Variants in HTRA4 observed in about 807,000 individuals in gnomAD.
The protein encoded by HTRA4 is serine protease HTRA4.
Under a neutral mutation model 49.1 loss-of-function variants are expected in HTRA4, and 46 were observed. The observed-to-expected ratio is 0.94, with a 90% CI of 0.74 to 1.20. The LOEUF (loss-of-function observed/expected upper bound fraction) is 1.20. HTRA4 is among the 50% of genes most tolerant of loss of function. The pLI is 0.00. For missense variants in HTRA4, 602 were observed against 636.9 expected, an observed-to-expected ratio of 0.95 and a Z score of 0.59; for synonymous variants, 261 against 264.0, an observed-to-expected ratio of 0.99 and a Z score of 0.11.
At chr8:38,974,823 G>A in intron 1 of HTRA4, 94 bp downstream of exon 1, 1 of 1,268,380 alleles carries the variant, frequency 7.9e-7, no homozygotes, top group South Asian at 1.5e-5. Flanking sequence ...GTTCGCGCCT[G>A]GTCCTCCTGC....
At chr8:38,980,193 T>C (rs927434205) in intron 5 of HTRA4, among the ~76,000 whole-genome samples, 9 of 152,218 alleles carry the variant, frequency 5.9e-5, no homozygotes, top group African/African-American at 1.9e-4. Context: ...TCATCCTTTC[T>C]GAGTCCCTTT....
At chr8:38,980,316 T>G (rs1419066227) in intron 5 of HTRA4, among the ~76,000 whole-genome samples, 1 of 152,190 alleles carries the variant, frequency 6.6e-6, no homozygotes, top group Non-Finnish European at 1.5e-5. Context: ...CATTTTTCTT[T>G]GTTTTGTTCC....
chr8:38,976,467 C>T (rs1300171599), intron 2 of HTRA4, 68 bp from the exon 3 acceptor site: 8 of 1,424,458 alleles, frequency 5.6e-6, no homozygotes, highest in Non-Finnish European at 4.9e-6. Context: ...GTTCCCATGA[C>T]TCAGATTATA....
intron 6 of HTRA4, among the ~76,000 whole-genome samples, chr8:38,982,132 A>T (rs1731615979): frequency 6.6e-6 from 1 of 152,164 alleles, no homozygotes; most frequent in South Asian, 2.1e-4. Context: ...ACAGGCATGA[A>T]CCACCATGCC....
Position 38,988,155 on chromosome 8 carries a change from G to T in HTRA4, c.*57G>T. The T allele has an allele frequency of 1.4e-6, 2 of 1,429,564 alleles. No homozygotes were observed. The highest frequency in any genetic ancestry group is 1.9e-6 in the Non-Finnish European group (2 of 1,079,276). The allele number at this position is 1,429,564 out of a possible 1,614,324, so 88.6% of individuals were successfully genotyped here. A position where few individuals can be genotyped will look rare whatever the true frequency, so the allele number is the denominator to read the frequency against. On this transcript the variant is annotated 3_prime_UTR_variant, in exon 9 of 9. Coordinates refer to ENST00000302495, the MANE Select transcript of HTRA4 (RefSeq NM_153692.4). ...AAAAAAAAACCAGTTATATCACGTG[G>T]TTTGTATTGGAGATGTGCCAAACAT...
chr8:38,977,353 G>A (rs751680085), intron 3 of HTRA4, among the ~76,000 whole-genome samples: 1 of 150,682 alleles, frequency 6.6e-6, no homozygotes, highest in Non-Finnish European at 1.5e-5. Flanking sequence ...AAATTACTGC[G>A]ATGGACTCAA....
At chr8:38,975,853 G>A (rs1430005970) in intron 2 of HTRA4, among the ~76,000 whole-genome samples, 1 of 152,202 alleles carries the variant, frequency 6.6e-6, no homozygotes, top group Non-Finnish European at 1.5e-5. Context: ...AGAGCCCTTT[G>A]ATTCTCTCCT....
Position 38,975,101 on chromosome 8 carries a change from A to T in HTRA4, c.537A>T (p.Pro179=), listed in dbSNP as rs778758268. ...CCGCGGTGGTGGAGAAGGTGGCGCCATCGGTGGTTCACGTGCAGCTGTGGG... is the reference window on the plus strand; with the variant it reads ...CCGCGGTGGTGGAGAAGGTGGCGCCTTCGGTGGTTCACGTGCAGCTGTGGG... The part of the protein sequence containing the change: ...FIAAVVEKVA[P]SVVHVQLWGR... The change falls in exon 2 of 9, where the codon CCA becomes CCT. Residue 179 remains proline (P), a synonymous_variant. Transcript: ENST00000302495. The T allele has an allele frequency of 3.7e-6, 6 of 1,613,866 alleles. No individual in the cohort carries two copies. In the East Asian group the frequency reaches 1.3e-4, roughly 36 times the overall value.
chr8:38,976,882 CCCT>C, intron 3 of HTRA4, 143 bp downstream of exon 3: 1 of 781,996 alleles, frequency 1.3e-6, no homozygotes, highest in Non-Finnish European at 2.0e-6. Context: ...GTTCTTTACT[CCCT>C]CTTTTATTTA....
intron 1 of HTRA4, 143 bp downstream of exon 1, chr8:38,974,872 A>T: frequency 1.7e-6 from 2 of 1,196,026 alleles, no homozygotes; most frequent in Non-Finnish European, 2.4e-6. Context: ...TGTGTTCCTG[A>T]TTTCCTTTCC....
chr8:38,982,633 G>A, intron 7 of HTRA4, 78 bp downstream of exon 7: 1 of 1,373,332 alleles, frequency 7.3e-7, no homozygotes, highest in Admixed American at 1.7e-5. Flanking sequence ...CAGAAAAGCT[G>A]AGCCACTTGG....
At position 38,974,379 on chromosome 8, in the gene HTRA4, C is replaced by G; in HGVS notation, c.116C>G (p.Ser39Cys). The change falls in exon 1 of 9, where the codon TCC becomes TGC. Residue 39 changes from serine (S) to cysteine (C), a missense_variant. Ser to Cys is a moderately radical substitution (Grantham distance 112). Transcript: ENST00000302495. ...AGAEKLHTQP[S>C]CPAVCQPTRC... The stretch of plus-strand genomic sequence containing the variant: ...GCTGAAAAGCTACATACCCAGCCCT[C>G]CTGCCCCGCGGTCTGCCAGCCCACG... 1 of 1,584,988 alleles carries G rather than the reference C, an allele frequency of 6.3e-7. No homozygotes were observed.
At chr8:38,974,949 G>A in intron 1 of HTRA4, 82 bp from the exon 2 acceptor site, 1 of 1,527,214 alleles carries the variant, frequency 6.5e-7, no homozygotes, top group South Asian at 1.1e-5. Context: ...TTTGAACACT[G>A]TCTTGCCTTT....
chr8:38,985,157 A>ACTT (rs1382469203), intron 8 of HTRA4, among the ~76,000 whole-genome samples: 6 of 122,718 alleles, frequency 4.9e-5, no homozygotes, highest in Non-Finnish European at 1.0e-4. Flanking sequence ...TTTCTGTTGT[A>ACTT]CTTCTTTTTT....
rs1368997025 is a variant in HTRA4, at chr8:38,982,657, A to G, written c.1172+102A>G. On this transcript the variant is annotated intron_variant, in intron 7 of 8. Transcript: ENST00000302495. ...TGAGCCACTTGGACCACAGCCAGGT[A>G]CTCTTGTGACCATAGGCCCTATCTG... 4.7e-6 allele frequency: 5 copies of G among 1,065,548 alleles called. No homozygotes were observed. The East Asian group carries it at 9.5e-5, about 20-fold the overall frequency. The allele number at this position is 1,065,548 out of a possible 1,614,324, so 66.0% of individuals were successfully genotyped here.
intron 6 of HTRA4, 102 bp from the exon 7 acceptor site, chr8:38,982,396 G>A (rs1835434348): frequency 3.0e-6 from 3 of 984,116 alleles, no homozygotes; most frequent in East Asian, 4.9e-5. Context: ...TAACCTGAAA[G>A]GACAGCTGTG....
chr8:38,986,489 G>A (rs1167732109), intron 8 of HTRA4, among the ~76,000 whole-genome samples: 5 of 151,966 alleles, frequency 3.3e-5, no homozygotes, highest in Non-Finnish European at 7.4e-5. Flanking sequence ...GGCTGGTCTC[G>A]AACTCCTGAC....
rs991188890 is a variant in HTRA4, at chr8:38,975,128, C to T, written c.564C>T (p.Gly188=). 1 of 1,613,232 alleles carries T rather than the reference C, an allele frequency of 6.2e-7. No homozygotes were observed. Among genetic ancestry groups the T allele is most frequent in the African/African-American group, 1.3e-5 (1 of 74,890 alleles). ...APSVVHVQLW[G]RLLHGSRLVP... ...CGGTGGTTCACGTGCAGCTGTGGGG[C>T]AGGTAAAGGAGGAGGAGGAAGACCT... The change falls in exon 2 of 9, where the codon GGC becomes GGT. Residue 188 remains glycine (G), a splice_region_variant and synonymous_variant. Transcript: ENST00000302495.
intron 7 of HTRA4, 51 bp from the exon 8 acceptor site, chr8:38,982,902 C>A: frequency 2.3e-6 from 3 of 1,296,470 alleles, no homozygotes; most frequent in Non-Finnish European, 3.3e-6. Context: ...AGGCTTTTAC[C>A]AGGGCTCAGG....
Sources: allele counts gnomAD v4.1 joint callset (sites outside exome capture counted in the v4.1 genomes callset), GRCh38; gene constraint gnomAD v4.1.1; transcripts MANE v1.5; gene names NCBI Gene and HGNC (gene_info 2026-07-23, HGNC 2026-07-21).